PTPRD: variants seen among roughly 807,000 people sequenced by gnomAD.
The protein encoded by PTPRD is receptor-type tyrosine-protein phosphatase delta.
A neutral mutation model predicts 214.5 loss-of-function variants in PTPRD; 34 were observed. The observed-to-expected ratio is 0.16, with a 90% CI of 0.12 to 0.21. PTPRD has a LOEUF of 0.21. PTPRD is among the 10% of genes least tolerant of loss of function. PTPRD has a pLI of 1.00. For synonymous variants in PTPRD, 1,128 were observed against 845.7 expected (o/e 1.33, Z -5.79); for missense variants, 2,545 against 2,398.7 (o/e 1.06, Z -1.27).
chr9:8,437,303 T>C (rs2132576791), intron 34 of PTPRD: 1 of 1,216,188 alleles, frequency 8.2e-7, no homozygotes, highest in Non-Finnish European at 1.1e-6. Context: ...AAAAATGAAA[T>C]GGAAAGCCTG....
intron 4 of PTPRD, among the ~76,000 whole-genome samples, chr9:9,943,337 A>C (rs1378748555): frequency 6.6e-6 from 1 of 152,126 alleles, no homozygotes; most frequent in Non-Finnish European, 1.5e-5. Flanking sequence ...CAGTAGTCAG[A>C]TTAAAAGGGC....
intron 11 of PTPRD, among the ~76,000 whole-genome samples, chr9:8,929,889 G>GTA (rs374972008): frequency 2.1e-4 from 14 of 67,882 alleles, no homozygotes; most frequent in African/African-American, 6.0e-4. Flanking sequence ...ATATGTGTGT[G>GTA]TATATATATG....
At chr9:10,444,372 G>A (rs1019057109) in intron 2 of PTPRD, among the ~76,000 whole-genome samples, 2 of 151,690 alleles carry the variant, frequency 1.3e-5, no homozygotes, top group Non-Finnish European at 3.0e-5. Context: ...GCTCCATAGT[G>A]GTAAGTAGAT....
chr9:10,558,670 G>C (rs193209123), intron 2 of PTPRD, among the ~76,000 whole-genome samples: 17 of 152,232 alleles, frequency 1.1e-4, no homozygotes, highest in Non-Finnish European at 2.1e-4. Context: ...CTTCCCAAAG[G>C]GGGGAGTTTC....
chr9:9,302,600 T>C lies in PTPRD; in HGVS notation c.-203+94849A>G, dbSNP rs1388686629. 9.4e-3 allele frequency among the ~76,000 whole-genome samples: 683 copies of C among 72,518 alleles called. 6 individuals are homozygous for C. Among genetic ancestry groups the C allele is most frequent in the African/African-American group, 0.032 (622 of 19,220 alleles). The allele number at this position is 72,518 out of a possible 152,430, so 47.6% of individuals were successfully genotyped here. On this transcript the variant is annotated intron_variant, in intron 9 of 45. Transcript: ENST00000381196. ...ACATCATGTTTTGTAGTTTTTTTTT[T>C]CTTTTTTTTTTTTTTTTGTCTTTCC...
At chr9:9,166,601 G>A (rs746480407) in intron 10 of PTPRD, among the ~76,000 whole-genome samples, 3 of 152,108 alleles carry the variant, frequency 2.0e-5, no homozygotes, top group Non-Finnish European at 2.9e-5. Context: ...CCTCTCCTCT[G>A]CTGCAACAGA....
At chr9:9,315,028 T>TA (rs1260686655) in intron 9 of PTPRD, among the ~76,000 whole-genome samples, 1 of 152,040 alleles carries the variant, frequency 6.6e-6, no homozygotes, top group Non-Finnish European at 1.5e-5. Flanking sequence ...ACAACTCACC[T>TA]AGATTTTATT....
intron 13 of PTPRD, 107 bp downstream of exon 13, chr9:8,636,592 T>C (rs2096442811): frequency 4.4e-6 from 6 of 1,357,356 alleles, no homozygotes; most frequent in East Asian, 4.6e-5. Context: ...AGGAATACCA[T>C]ATATCAGTGA....
chr9:9,901,760 G>GGA (rs952715321), intron 5 of PTPRD, among the ~76,000 whole-genome samples: 1 of 152,020 alleles, frequency 6.6e-6, no homozygotes, highest in African/African-American at 2.4e-5. Flanking sequence ...AGGCTGTATG[G>GGA]GAGGCATGGC....
intron 3 of PTPRD, among the ~76,000 whole-genome samples, chr9:10,299,929 A>G (rs1406011398): frequency 3.3e-5 from 5 of 152,188 alleles, no homozygotes; most frequent in Non-Finnish European, 5.9e-5. Flanking sequence ...TTGCTCTCAT[A>G]TAGAAAACTT....
intron 7 of PTPRD, among the ~76,000 whole-genome samples, chr9:9,635,430 T>C (rs771052680): frequency 6.6e-6 from 1 of 152,274 alleles, no homozygotes; most frequent in East Asian, 1.9e-4. Flanking sequence ...GTGCTTCCTA[T>C]AGAAACAGCT....
At chr9:9,676,263 C>T (rs1408676694) in intron 7 of PTPRD, among the ~76,000 whole-genome samples, 2 of 150,120 alleles carry the variant, frequency 1.3e-5, no homozygotes, top group South Asian at 2.2e-4. Flanking sequence ...TCTCCTAATG[C>T]TATCCCTCCA....
At chr9:10,554,683 T>C (rs943950559) in intron 2 of PTPRD, among the ~76,000 whole-genome samples, 4 of 152,266 alleles carry the variant, frequency 2.6e-5, no homozygotes, top group Non-Finnish European at 5.9e-5. Context: ...TTTTTCAAGA[T>C]GGAGTCTCGC....
rs377210975 is a variant in PTPRD, at chr9:10,295,583, AT to A, written c.-545+45379del. 7.6e-4 allele frequency among the ~76,000 whole-genome samples: 115 copies of A among 152,100 alleles called. 2 individuals are homozygous for A. The South Asian group carries it at 0.021, about 28-fold the overall frequency. Reference sequence around the variant, plus strand: ...TTCACATACTTTTATTAAATATCTTATTTGTTTACATCACTCTCTGTTTCCT... The same window carrying A: ...TTCACATACTTTTATTAAATATCTTATTGTTTACATCACTCTCTGTTTCCT... On this transcript the variant is annotated intron_variant, in intron 3 of 45. Coordinates refer to ENST00000381196, the MANE Select transcript of PTPRD (RefSeq NM_002839.4).
intron 6 of PTPRD, among the ~76,000 whole-genome samples, chr9:9,757,701 T>A (rs568672006): frequency 5.9e-5 from 9 of 152,294 alleles, no homozygotes; most frequent in South Asian, 2.1e-4. Context: ...TCACATATTA[T>A]GCATTCTATT....
rs1191521286 is a variant in PTPRD, at chr9:9,499,188, AT to A, written c.-237+75543del. 1.6e-4 allele frequency among the ~76,000 whole-genome samples: 24 copies of A among 152,222 alleles called. 1 individual carries two copies. Among genetic ancestry groups the A allele is most frequent in the African/African-American group, 5.5e-4 (23 of 41,564 alleles). ...ACGACATTCAGATAGTAGAATATATATTTTTCATCATGTTGATAAAAACATT... is the reference window on the plus strand; with the variant it reads ...ACGACATTCAGATAGTAGAATATATATTTTCATCATGTTGATAAAAACATT... On this transcript the variant is annotated intron_variant, in intron 8 of 45. Coordinates refer to ENST00000381196, the MANE Select transcript of PTPRD (RefSeq NM_002839.4).
At chr9:10,459,480 T>C (rs892754816) in intron 2 of PTPRD, among the ~76,000 whole-genome samples, 3 of 152,164 alleles carry the variant, frequency 2.0e-5, no homozygotes, top group Non-Finnish European at 4.4e-5. Context: ...CACCACACCA[T>C]CTTCCACAAT....
chr9:8,812,725 GACTC>G (rs2096836057), intron 11 of PTPRD, among the ~76,000 whole-genome samples: 1 of 151,702 alleles, frequency 6.6e-6, no homozygotes, highest in South Asian at 2.1e-4. Flanking sequence ...TGGAGAGGAG[GACTC>G]GGTGGGGCTT....
rs141608915 is a variant in PTPRD, at chr9:10,269,354, G to A, written c.-545+71609C>T. Among the ~76,000 whole-genome samples, 556 of 152,246 alleles carry A rather than the reference G, an allele frequency of 3.7e-3. 4 individuals carry two copies. Among genetic ancestry groups the A allele is most frequent in the African/African-American group, 0.013 (535 of 41,542 alleles). On this transcript the variant is annotated intron_variant, in intron 3 of 45. Coordinates refer to ENST00000381196, the MANE Select transcript of PTPRD (RefSeq NM_002839.4). Reference sequence around the variant, plus strand: ...TTAGCTGATAATGAGATAAACATGTGGTTCCTATTGAGTAATATTTTTGTT... The same window carrying A: ...TTAGCTGATAATGAGATAAACATGTAGTTCCTATTGAGTAATATTTTTGTT...
Sources: gnomAD v4.1 joint callset for allele counts (sites outside exome capture counted in the v4.1 genomes callset) on GRCh38, gnomAD v4.1.1 for gene constraint, MANE v1.5 for transcripts, NCBI Gene and HGNC (gene_info 2026-07-23, HGNC 2026-07-21) for gene names.